Variants in SSBP2 observed in about 807,000 individuals in gnomAD.
The protein encoded by SSBP2 is single-stranded DNA-binding protein 2.
SSBP2 carries 17 observed loss-of-function variants against 61.8 expected under a neutral mutation model. The observed-to-expected ratio is 0.28, with a 90% CI of 0.19 to 0.41. The LOEUF is 0.41. Ranked by LOEUF, SSBP2 falls within the 10% of genes least tolerant of loss-of-function variation. SSBP2 has a pLI of 1.00. For synonymous variants in SSBP2, 139 were observed against 141.3 expected, an observed-to-expected ratio of 0.98 and a Z score of 0.12; for missense variants, 310 against 458.7, an observed-to-expected ratio of 0.68 and a Z score of 2.96.
At chr5:81,716,793 A>G (rs1755198148) in intron 1 of SSBP2, among the ~76,000 whole-genome samples, 1 of 152,184 alleles carries the variant, frequency 6.6e-6, no homozygotes, top group South Asian at 2.1e-4. Context: ...CACTGCTATT[A>G]TGAAGTTTAG....
At chr5:81,689,742 A>T (rs1295453619) in intron 1 of SSBP2, among the ~76,000 whole-genome samples, 1 of 152,198 alleles carries the variant, frequency 6.6e-6, no homozygotes, top group Non-Finnish European at 1.5e-5. Context: ...ATTAGTGAGC[A>T]ACATAAAATC....
intron 1 of SSBP2, among the ~76,000 whole-genome samples, chr5:81,687,045 C>T (rs1581346252): frequency 6.6e-6 from 1 of 152,110 alleles, no homozygotes. Context: ...AAAAATCAGA[C>T]GAGTCATAAC....
Position 81,727,362 on chromosome 5 carries a change from C to G in SSBP2, c.62+23619G>C, listed in dbSNP as rs954030743. Among the ~76,000 whole-genome samples the G allele has an allele frequency of 2.0e-5, 3 of 152,094 alleles. No individual in the cohort carries two copies. The East Asian group carries it at 5.8e-4, about 29-fold the overall frequency. On this transcript the variant is annotated intron_variant, in intron 1 of 16. Transcript: ENST00000320672. ...GTCAGGAGTTCGAGACCAGCCTGAC[C>G]AACATGGAGAAACCCTGTCTCTACT...
chr5:81,575,496 C>G (rs1397114178), intron 4 of SSBP2, among the ~76,000 whole-genome samples: 2 of 151,734 alleles, frequency 1.3e-5, no homozygotes, highest in Non-Finnish European at 2.9e-5. Flanking sequence ...GTGATATAAT[C>G]TCTGGGATAA....
At chr5:81,743,088 G>A (rs563551633) in intron 1 of SSBP2, among the ~76,000 whole-genome samples, 2 of 152,154 alleles carry the variant, frequency 1.3e-5, no homozygotes, top group East Asian at 3.9e-4. Context: ...CTGTCCTTCA[G>A]AACAAGTTTA....
intron 10 of SSBP2, among the ~76,000 whole-genome samples, chr5:81,459,100 T>C (rs1166237604): frequency 6.6e-6 from 1 of 152,150 alleles, no homozygotes; most frequent in Non-Finnish European, 1.5e-5. Flanking sequence ...TGGACAGCAG[T>C]TTGATGTGTA....
At chr5:81,679,048 C>T (rs1387612336) in intron 1 of SSBP2, among the ~76,000 whole-genome samples, 1 of 152,124 alleles carries the variant, frequency 6.6e-6, no homozygotes, top group African/African-American at 2.4e-5. Context: ...CTCACTCTGT[C>T]GCCCAGGCTG....
chr5:81,426,842 G>A lies in SSBP2; in HGVS notation c.1056+1743C>T, dbSNP rs535830503. Among the ~76,000 whole-genome samples the A allele has an allele frequency of 4.6e-5, 7 of 152,310 alleles. No homozygotes were observed. In the East Asian group the frequency reaches 1.3e-3, roughly 29 times the overall value. Reference sequence around the variant, plus strand: ...CTCTTGTCACTGCCCATAAGTGAAAGTCATGTGGAAGCTTTTTAAAAAAGT... The same window carrying A: ...CTCTTGTCACTGCCCATAAGTGAAAATCATGTGGAAGCTTTTTAAAAAAGT... On this transcript the variant is annotated intron_variant, in intron 16 of 16. Transcript: ENST00000320672.
At chr5:81,554,557 T>C in intron 4 of SSBP2, among the ~76,000 whole-genome samples, 1 of 151,864 alleles carries the variant, frequency 6.6e-6, no homozygotes, top group East Asian at 1.9e-4. Context: ...TCATTCTCTA[T>C]TGAATTAATT....
intron 4 of SSBP2, among the ~76,000 whole-genome samples, chr5:81,569,831 T>C (rs1773704386): frequency 6.6e-6 from 1 of 152,196 alleles, no homozygotes; most frequent in Non-Finnish European, 1.5e-5. Context: ...CATAGTTTGA[T>C]ATCATGGCCT....
chr5:81,607,356 C>T (rs1744986674), intron 4 of SSBP2, among the ~76,000 whole-genome samples: 1 of 152,206 alleles, frequency 6.6e-6, no homozygotes. Context: ...AAATAGTATG[C>T]CTGAAGAATG....
intron 4 of SSBP2, among the ~76,000 whole-genome samples, chr5:81,543,010 A>G (rs544398285): frequency 6.6e-6 from 1 of 151,974 alleles, no homozygotes; most frequent in African/African-American, 2.4e-5. Flanking sequence ...ATGTGCCACC[A>G]TGCCCATTTA....
chr5:81,536,960 CAA>C (rs1770853455), intron 4 of SSBP2, among the ~76,000 whole-genome samples: 1 of 150,080 alleles, frequency 6.7e-6, no homozygotes, highest in African/African-American at 2.5e-5. Flanking sequence ...ACTGAGATCA[CAA>C]CACTGCACTC....
intron 4 of SSBP2, among the ~76,000 whole-genome samples, chr5:81,574,224 G>A (rs1228345849): frequency 6.6e-6 from 1 of 151,914 alleles, no homozygotes; most frequent in Non-Finnish European, 1.5e-5. Context: ...GAGAACATCA[G>A]CAAAAAGGCA....
chr5:81,480,592 G>T (rs918679124), intron 6 of SSBP2, among the ~76,000 whole-genome samples: 1 of 152,164 alleles, frequency 6.6e-6, no homozygotes, highest in African/African-American at 2.4e-5. Context: ...TTCTTTTAAA[G>T]ACAAGGTTTT....
intron 5 of SSBP2, among the ~76,000 whole-genome samples, chr5:81,501,471 A>G (rs1200224237): frequency 6.7e-6 from 1 of 149,352 alleles, no homozygotes; most frequent in Non-Finnish European, 1.5e-5. Flanking sequence ...AATTAATTAT[A>G]CTTTACTCTT....
intron 1 of SSBP2, among the ~76,000 whole-genome samples, chr5:81,739,065 T>C (rs1268634542): frequency 7.1e-6 from 1 of 140,588 alleles, no homozygotes; most frequent in South Asian, 2.3e-4. Context: ...CTTGGGAGGC[T>C]GAAGCAGGAC....
intron 1 of SSBP2, among the ~76,000 whole-genome samples, chr5:81,726,775 T>C (rs923291241): frequency 6.6e-6 from 1 of 152,120 alleles, no homozygotes; most frequent in South Asian, 2.1e-4. Context: ...CAAACTAAAA[T>C]ACCCTCAATT....
At chr5:81,628,730 G>A (rs1012604332) in intron 3 of SSBP2, among the ~76,000 whole-genome samples, 1 of 152,140 alleles carries the variant, frequency 6.6e-6, no homozygotes, top group Non-Finnish European at 1.5e-5. Flanking sequence ...AAGAAAAAGT[G>A]ATTAGGGAAA....
Sources: gnomAD v4.1 joint callset for allele counts (sites outside exome capture counted in the v4.1 genomes callset) on GRCh38, gnomAD v4.1.1 for gene constraint, MANE v1.5 for transcripts, NCBI Gene and HGNC (gene_info 2026-07-23, HGNC 2026-07-21) for gene names.